The following LINGO1 variants were observed in gnomAD, a reference collection of about 807,000 sequenced individuals.
LINGO1 encodes the protein leucine-rich repeat and immunoglobulin-like domain-containing nogo receptor-interacting protein 1.
A neutral mutation model predicts 37.3 loss-of-function variants in LINGO1; 11 were observed. That is an observed-to-expected ratio of 0.29 (90% confidence interval 0.19 to 0.49). The LOEUF is 0.49. LINGO1 is among the 20% of genes least tolerant of loss of function. LINGO1 has a pLI of 0.99. For missense variants in LINGO1, 585 were observed against 878.2 expected (o/e 0.67, Z 4.22); for synonymous variants, 387 against 403.0 (o/e 0.96, Z 0.48).
At chr15:77,641,556 G>A (rs1395570241) in intron 3 of LINGO1, among the ~76,000 whole-genome samples, 1 of 152,230 alleles carries the variant, frequency 6.6e-6, no homozygotes, top group Non-Finnish European at 1.5e-5. Context: ...CAGCTTGTTA[G>A]CTAAGACTAA....
At chr15:77,650,165 T>G (rs1325661589) in intron 3 of LINGO1, among the ~76,000 whole-genome samples, 3 of 152,240 alleles carry the variant, frequency 2.0e-5, no homozygotes, top group African/African-American at 7.2e-5. Context: ...TAACAGGCAC[T>G]GGGGTGGCCG....
At position 77,615,243 on chromosome 15, in the gene LINGO1, G is replaced by A. The variant is rs2073665532; in HGVS notation, c.664C>T (p.Leu222Phe). 6.2e-7 allele frequency: 1 copy of A among 1,613,722 alleles called. No homozygotes were observed. Among genetic ancestry groups the A allele is most frequent in the Non-Finnish European group, 8.5e-7 (1 of 1,179,882 alleles). Residue 222 changes from leucine (L) to phenylalanine (F), a missense_variant, in exon 2 of 2, where the codon CTC becomes TTC. Leu to Phe is a conservative substitution (Grantham distance 22). Around this residue, in one of 4 missense-constraint regions of LINGO1, gnomAD observed 484 missense variants for 735.0 expected, o/e 0.66. Coordinates refer to ENST00000355300, the MANE Select transcript of LINGO1 (RefSeq NM_032808.7). Reference protein sequence around the residue: ...SHLHGLIVLRLRHLNINAIRD... With the variant: ...SHLHGLIVLRFRHLNINAIRD... ...ATGGCATTGATGTTGAGGTGCCGGA[G>A]CCTCAGGACGATGAGGCCGTGCAGG...
intron 1 of LINGO1, 142 bp from the exon 2 acceptor site, chr15:77,616,042 G>A: frequency 3.6e-6 from 2 of 550,996 alleles, no homozygotes; most frequent in Non-Finnish European, 6.0e-6. Context: ...AGATGCCCAG[G>A]CCAGAGGGCC....
At chr15:77,752,647 C>T (rs1424147543) in intron 1 of LINGO1, among the ~76,000 whole-genome samples, 1 of 152,196 alleles carries the variant, frequency 6.6e-6, no homozygotes, top group African/African-American at 2.4e-5. Context: ...TCAGCCAACC[C>T]TAGGTAAGGG....
intron 3 of LINGO1, among the ~76,000 whole-genome samples, chr15:77,672,544 C>T (rs540942902): frequency 6.6e-6 from 1 of 152,250 alleles, no homozygotes; most frequent in East Asian, 1.9e-4. Context: ...ACCTTCCAGC[C>T]TCCAGAATCC....
intron 1 of LINGO1, among the ~76,000 whole-genome samples, chr15:77,738,270 G>T (rs1045007002): frequency 2.0e-5 from 3 of 152,096 alleles, no homozygotes; most frequent in African/African-American, 7.2e-5. Context: ...AGAGCAGCAC[G>T]ATGACGGAGA....
intron 3 of LINGO1, among the ~76,000 whole-genome samples, chr15:77,674,232 G>A (rs2075294121): frequency 6.6e-6 from 1 of 152,064 alleles, no homozygotes; most frequent in Admixed American, 6.5e-5. Flanking sequence ...TCTACCTTGA[G>A]CATACATGTG....
intron 3 of LINGO1, among the ~76,000 whole-genome samples, chr15:77,649,507 C>G (rs2074711096): frequency 6.6e-6 from 1 of 152,102 alleles, no homozygotes; most frequent in Non-Finnish European, 1.5e-5. Context: ...TCATTTCCAC[C>G]AGGGACCAGA....
intron 3 of LINGO1, among the ~76,000 whole-genome samples, chr15:77,659,532 TCA>T (rs2074941719): frequency 6.6e-6 from 1 of 152,118 alleles, no homozygotes; most frequent in Admixed American, 6.5e-5. Flanking sequence ...ACATGGAGGC[TCA>T]GAGAGGGCAT....
chr15:77,707,904 G>A (rs1043847050), intron 2 of LINGO1, among the ~76,000 whole-genome samples: 6 of 152,104 alleles, frequency 3.9e-5, no homozygotes, highest in East Asian at 1.9e-4. Context: ...GGGTGACCAC[G>A]GGTCCCAGAA....
chr15:77,745,838 G>C (rs1030408325), intron 1 of LINGO1, among the ~76,000 whole-genome samples: 2 of 152,140 alleles, frequency 1.3e-5, no homozygotes, highest in Non-Finnish European at 2.9e-5. Context: ...GGATGTTGTG[G>C]GGGACTGTGT....
At chr15:77,640,105 C>T (rs894168884) in intron 3 of LINGO1, among the ~76,000 whole-genome samples, 2 of 152,232 alleles carry the variant, frequency 1.3e-5, no homozygotes, top group Admixed American at 6.5e-5. Context: ...CTTGGTTCCT[C>T]ACTCTGTCAT....
chr15:77,632,654 G>A lies in LINGO1; in HGVS notation c.-339C>T, dbSNP rs1209498138. ...GCCCGGAGCCGCCGCCGCCGCCTCT[G>A]CCGCTGGGGCCGGGGTCGAGGCCGG... On this transcript the variant is annotated 5_prime_UTR_variant, in exon 1 of 2. Transcript: ENST00000355300. This position sits in a 1 kb window ranked among gnomAD's most constrained non-coding sequence, Gnocchi z 6.0. Among the ~76,000 whole-genome samples, 1 of 146,264 alleles carries A rather than the reference G, an allele frequency of 6.8e-6. No homozygotes were observed. Among genetic ancestry groups the A allele is most frequent in the East Asian group, 2.0e-4 (1 of 5,046 alleles).
intron 1 of LINGO1, among the ~76,000 whole-genome samples, chr15:77,780,480 T>G (rs755750761): frequency 6.6e-6 from 1 of 151,838 alleles, no homozygotes; most frequent in Non-Finnish European, 1.5e-5. Context: ...ATGGAGTGTC[T>G]AGTATGCCCA....
At chr15:77,706,751 A>G (rs2075857506) in intron 2 of LINGO1, among the ~76,000 whole-genome samples, 1 of 152,232 alleles carries the variant, frequency 6.6e-6, no homozygotes, top group South Asian at 2.1e-4. Flanking sequence ...CCTCACTCGG[A>G]AAGGGGCCAT....
chr15:77,628,955 A>G (rs2074173984), intron 1 of LINGO1, among the ~76,000 whole-genome samples: 1 of 152,246 alleles, frequency 6.6e-6, no homozygotes, highest in Admixed American at 6.5e-5. Context: ...ATGAGTAGCT[A>G]GCACTTATTA....
chr15:77,815,503 C>T (rs2077040256), intron 1 of LINGO1, among the ~76,000 whole-genome samples: 1 of 152,220 alleles, frequency 6.6e-6, no homozygotes, highest in Non-Finnish European at 1.5e-5. Context: ...CAAACTCACT[C>T]CAGTTATCCA....
chr15:77,763,573 C>G (rs990533712), intron 1 of LINGO1, among the ~76,000 whole-genome samples: 4 of 152,054 alleles, frequency 2.6e-5, no homozygotes, highest in African/African-American at 9.7e-5. Flanking sequence ...CTGCCATTCT[C>G]CCAGGTGCCC....
At chr15:77,635,322 T>C (rs970078118), upstream of LINGO1, among the ~76,000 whole-genome samples, 2 of 152,188 alleles carry the variant, frequency 1.3e-5, no homozygotes, top group East Asian at 1.9e-4. Flanking sequence ...ACTTGGAGGA[T>C]AGGCCTTTTT....
Sources: allele counts gnomAD v4.1 joint callset (sites outside exome capture counted in the v4.1 genomes callset), GRCh38; gene constraint gnomAD v4.1.1; regional missense constraint gnomAD v4.1.1; non-coding constraint Gnocchi (gnomAD v3.1); transcripts MANE v1.5; gene names NCBI Gene and HGNC (gene_info 2026-07-23, HGNC 2026-07-21).